The following SLC39A14 variants were observed in gnomAD, a reference collection of about 807,000 sequenced individuals.
The protein encoded by SLC39A14 is solute carrier family 39 member 14.
A neutral mutation model predicts 45.5 loss-of-function variants in SLC39A14; 19 were observed. That is an observed-to-expected ratio of 0.42 (90% CI 0.29 to 0.61). The LOEUF is 0.61. SLC39A14 is among the 20% of genes least tolerant of loss of function. SLC39A14 has a pLI of 0.22. For synonymous variants in SLC39A14, 264 were observed against 251.3 expected, an observed-to-expected ratio of 1.05 and a Z score of -0.48; for missense variants, 447 against 616.5, an observed-to-expected ratio of 0.73 and a Z score of 2.91.
rs188867949 is a variant in SLC39A14 at position 22,398,714 on chromosome 8, A to C, written c.-15-5982A>C. The C allele has an allele frequency of 1.1e-4, 107 of 985,502 alleles. No homozygotes were observed. In the African/African-American group the frequency reaches 1.8e-3, roughly 17 times the overall value. The allele number at this position is 985,502 out of a possible 1,614,324, so 61.0% of individuals were successfully genotyped here. On this transcript the variant is annotated intron_variant, in intron 1 of 8. Transcript: ENST00000381237. ...AGGTGGGCTTAGAAAAAAGTGCAGC[A>C]TGCTGAACATCACAGAAGCGTCTGT...
chr8:22,414,758 T>C (rs760468463), intron 4 of SLC39A14, 22 bp from the exon 5 acceptor site: 3 of 1,583,172 alleles, frequency 1.9e-6, no homozygotes, highest in South Asian at 1.2e-5. Flanking sequence ...TTAAAACTCA[T>C]TTTCTTTTCC....
At position 22,417,656 on chromosome 8, in the gene SLC39A14, T is replaced by C; in HGVS notation, c.1153T>C (p.Phe385Leu). 6.2e-7 allele frequency: 1 copy of C among 1,613,192 alleles called. No individual in the cohort carries two copies. Among genetic ancestry groups the C allele is most frequent in the Non-Finnish European group, 8.5e-7 (1 of 1,179,598 alleles). The change falls in exon 8 of 9, where the codon TTT (phenylalanine) becomes CTT (leucine). Residue 385 changes from phenylalanine (F) to leucine (L), a missense_variant. This residue lies in a region of SLC39A14 where 105 missense variants were observed against 188.4 expected (regional missense o/e 0.56). Coordinates refer to ENST00000381237, the MANE Select transcript of SLC39A14 (RefSeq NM_001128431.4). ...CEEFPHELGD[F>L]VILLNAGMSI... ...TTTCATTCTCGCTGCTGTAGGAGACTTTGTCATCCTGCTCAACGCTGGGAT... is the reference window on the plus strand; with the variant it reads ...TTTCATTCTCGCTGCTGTAGGAGACCTTGTCATCCTGCTCAACGCTGGGAT...
intron 1 of SLC39A14, chr8:22,398,691 G>T (rs1386895626): frequency 1.0e-6 from 1 of 984,696 alleles, no homozygotes; most frequent in African/African-American, 1.7e-5. Context: ...GAGAGGGGAG[G>T]TGGGCTTAGA....
downstream of SLC39A14, among the ~76,000 whole-genome samples, chr8:22,423,786 T>TCTCTCTCTCTCTCTCTCTCTCTCTCTC (rs1836330961): frequency 8.2e-5 from 10 of 122,170 alleles, no homozygotes; most frequent in African/African-American, 1.4e-4. Flanking sequence ...TTTAATTGGT[T>TCTCTCTCTCTCTCTCTCTCTCTCTCTC]TCTCTCTCTC....
chr8:22,412,264 T>C, intron 4 of SLC39A14, 58 bp downstream of exon 4: 2 of 1,519,432 alleles, frequency 1.3e-6, no homozygotes, highest in Non-Finnish European at 1.8e-6. Flanking sequence ...TGGGAGGACC[T>C]CCGTTTGGAT....
At chr8:22,423,752 C>T (rs186205723), downstream of SLC39A14, among the ~76,000 whole-genome samples, 117 of 135,786 alleles carry the variant, frequency 8.6e-4, no homozygotes, top group African/African-American at 2.9e-3. Flanking sequence ...CAGGCATGAG[C>T]CACCGCGCCT....
chr8:22,415,459 G>C (rs1242211935), intron 5 of SLC39A14: 2 of 292,742 alleles, frequency 6.8e-6, no homozygotes, highest in Non-Finnish European at 1.3e-5. Flanking sequence ...ACTTGGTGCA[G>C]ATTTATATAT....
At chr8:22,407,907 CAT>C (rs1835322332) in intron 2 of SLC39A14, among the ~76,000 whole-genome samples, 1 of 151,736 alleles carries the variant, frequency 6.6e-6, no homozygotes, top group Admixed American at 6.6e-5. Flanking sequence ...GAAGGGGTCT[CAT>C]GTTGCCCAGG....
intron 8 of SLC39A14, among the ~76,000 whole-genome samples, chr8:22,432,642 C>T (rs536351547): frequency 1.6e-5 from 2 of 124,266 alleles, no homozygotes; most frequent in East Asian, 4.5e-4. Context: ...CCGTGCCCGG[C>T]TAATTTTTTT....
chr8:22,426,181 C>G (rs564703789), downstream of SLC39A14, among the ~76,000 whole-genome samples: 5 of 151,406 alleles, frequency 3.3e-5, no homozygotes, highest in Non-Finnish European at 7.4e-5. Context: ...CGTGAGCCAC[C>G]GCGCCCGGCT....
intron 1 of SLC39A14, among the ~76,000 whole-genome samples, chr8:22,371,898 C>T (rs1490813587): frequency 6.7e-6 from 1 of 148,522 alleles, no homozygotes; most frequent in Non-Finnish European, 1.5e-5. Context: ...GCGCCCGCCA[C>T]CACGCCTGGC....
intron 1 of SLC39A14, among the ~76,000 whole-genome samples, chr8:22,368,126 G>C (rs1276538364): frequency 6.6e-6 from 1 of 152,174 alleles, no homozygotes; most frequent in Non-Finnish European, 1.5e-5. Context: ...GGGTTCCAGA[G>C]ACAGGCTTCT....
At chr8:22,400,486 T>TG (rs1316808180) in intron 1 of SLC39A14, among the ~76,000 whole-genome samples, 1 of 152,226 alleles carries the variant, frequency 6.6e-6, no homozygotes, top group African/African-American at 2.4e-5. Flanking sequence ...TCTGCTCTGA[T>TG]GGATAACCAC....
chr8:22,382,965 G>A (rs1586655145), intron 1 of SLC39A14, among the ~76,000 whole-genome samples: 1 of 151,446 alleles, frequency 6.6e-6, no homozygotes, highest in African/African-American at 2.4e-5. Flanking sequence ...CCATCCACCC[G>A]CATCGGCCTC....
intron 7 of SLC39A14, 25 bp downstream of exon 7, chr8:22,416,305 T>G: frequency 6.2e-7 from 1 of 1,603,078 alleles, no homozygotes; most frequent in African/African-American, 1.3e-5. Flanking sequence ...CCCGTTCCAC[T>G]GGTGCTCCCT....
At chr8:22,402,915 A>G (rs1834964524) in intron 1 of SLC39A14, among the ~76,000 whole-genome samples, 1 of 152,164 alleles carries the variant, frequency 6.6e-6, no homozygotes, top group African/African-American at 2.4e-5. Context: ...CCTATGTCAT[A>G]TCAAATGGTA....
intron 1 of SLC39A14, among the ~76,000 whole-genome samples, chr8:22,392,131 G>A (rs1311208492): frequency 6.6e-6 from 1 of 152,202 alleles, no homozygotes; most frequent in Non-Finnish European, 1.5e-5. Context: ...AGAGAAAAGT[G>A]CTGGAAAAGT....
At chr8:22,377,937 G>A (rs944446180) in intron 1 of SLC39A14, among the ~76,000 whole-genome samples, 1 of 152,186 alleles carries the variant, frequency 6.6e-6, no homozygotes, top group Non-Finnish European at 1.5e-5. Context: ...CCTCTCTGCA[G>A]TTCACAACTC....
chr8:22,379,943 A>AGG (rs61182702), intron 1 of SLC39A14, among the ~76,000 whole-genome samples: 1 of 137,456 alleles, frequency 7.3e-6, no homozygotes, highest in Admixed American at 7.6e-5. Flanking sequence ...AAAAAAAAAA[A>AGG]AAAAGAAAAG....
Sources: allele counts gnomAD v4.1 joint callset (sites outside exome capture counted in the v4.1 genomes callset), GRCh38; gene constraint gnomAD v4.1.1; regional missense constraint gnomAD v4.1.1; transcripts MANE v1.5; gene names NCBI Gene and HGNC (gene_info 2026-07-23, HGNC 2026-07-21).